Variants in ZNF653 observed in about 807,000 individuals in gnomAD.
The protein encoded by ZNF653 is 67 kDa zinc finger protein.
ZNF653 carries 37 observed loss-of-function variants against 59.9 expected under a neutral mutation model. That is an observed-to-expected ratio of 0.62 (90% CI 0.48 to 0.81). ZNF653 has a LOEUF of 0.81. Ranked by LOEUF, ZNF653 falls within the 40% of genes least tolerant of loss-of-function variation. ZNF653 has a pLI of 0.00. For missense variants in ZNF653, 808 were observed against 881.1 expected (o/e 0.92, Z 1.05); for synonymous variants, 435 against 371.8 (o/e 1.17, Z -1.96).
chr19:11,497,887 C>T (rs1039058973), intron 2 of ZNF653, among the ~76,000 whole-genome samples: 5 of 152,192 alleles, frequency 3.3e-5, no homozygotes, highest in African/African-American at 1.2e-4. Flanking sequence ...CACCAGCTGG[C>T]CTTCACCCTG....
chr19:11,499,611 TAAAAA>T (rs764982889), intron 1 of ZNF653, among the ~76,000 whole-genome samples: 1 of 113,036 alleles, frequency 8.8e-6, no homozygotes. Context: ...TTTATACAAT[TAAAAA>T]AAAAAAAAAA....
Position 11,497,901 on chromosome 19 carries a change from G to A in ZNF653, c.343+395C>T, listed in dbSNP as rs1424754498. On this transcript the variant is annotated intron_variant, in intron 2 of 8. Transcript: ENST00000293771. ...CCACCAGCTGGCCTTCACCCTGCTG[G>A]ACATGGCCTGGGACCCCCAGCTCCA... 2.6e-5 allele frequency among the ~76,000 whole-genome samples: 4 copies of A among 152,174 alleles called. No homozygotes were observed. In the East Asian group the frequency reaches 7.7e-4, roughly 29 times the overall value.
In ZNF653 at chr19:11,505,643, C is replaced by A. The variant is rs1971711973; in HGVS notation, c.144G>T (p.Arg48=). 2 of 1,498,662 alleles carry A rather than the reference C, an allele frequency of 1.3e-6. No individual in the cohort carries two copies. The highest frequency in any genetic ancestry group is 2.5e-5 in the South Asian group (2 of 79,838). The allele number at this position is 1,498,662 out of a possible 1,614,324, so 92.8% of individuals were successfully genotyped here. A position where few individuals can be genotyped will look rare whatever the true frequency, so the allele number is the denominator to read the frequency against. Residue 48 remains arginine, a synonymous_variant, in exon 1 of 9, where the codon CGG becomes CGT. Transcript: ENST00000293771. Reference sequence around the variant, plus strand: ...CGTCGTACTTCTTCCGGGACTCGAGCCGTCGCCGGGCCCGGTCCGACTCCG... The same window carrying A: ...CGTCGTACTTCTTCCGGGACTCGAGACGTCGCCGGGCCCGGTCCGACTCCG... ...RLTESDRARR[R]LESRKKYDVR...
Position 11,483,640 on chromosome 19 carries a change from C to T in ZNF653, c.*42G>A, listed in dbSNP as rs1971431088. The T allele has an allele frequency of 5.0e-6, 8 of 1,593,378 alleles. No individual in the cohort carries two copies. Among genetic ancestry groups the T allele is most frequent in the Middle Eastern group, 1.7e-4 (1 of 6,008 alleles). ...GCCCCGGCAAGCCCGGGCGTGGTGT[C>T]CGAGCGGACGAATAAATAGGGGCGG... On this transcript the variant is annotated 3_prime_UTR_variant, in exon 9 of 9. Transcript: ENST00000293771.
In ZNF653 at chr19:11,486,822, G is replaced by A. The variant is rs1400062159; in HGVS notation, c.1402C>T (p.His468Tyr). The A allele has an allele frequency of 1.2e-6, 2 of 1,612,250 alleles. No individual in the cohort carries two copies. Among genetic ancestry groups the A allele is most frequent in the South Asian group, 1.1e-5 (1 of 90,764 alleles). ...TGGCTGCAGCCCTCGTATGGGCAGTGGAACATCTCGAGCAGGCCGTCAGCA... is the reference window on the plus strand; with the variant it reads ...TGGCTGCAGCCCTCGTATGGGCAGTAGAACATCTCGAGCAGGCCGTCAGCA... ...MDADGLLEMF[H>Y]CPYEGCSQVY... Residue 468 changes from histidine to tyrosine, a missense_variant, in exon 6 of 9, where the codon CAC becomes TAC. Physicochemically the swap from His to Tyr is moderately conservative, Grantham distance 83 (BLOSUM62 2). Transcript: ENST00000293771.
chr19:11,505,230 G>C (rs899530417), intron 1 of ZNF653: 174 of 424,474 alleles, frequency 4.1e-4, no homozygotes, highest in Middle Eastern at 6.0e-4. Context: ...CAGAGTTCTA[G>C]CGGGCGGGGC....
intron 1 of ZNF653, among the ~76,000 whole-genome samples, chr19:11,499,912 C>T (rs1263856374): frequency 6.6e-6 from 1 of 152,094 alleles, no homozygotes; most frequent in Non-Finnish European, 1.5e-5. Flanking sequence ...AACCGTGTCT[C>T]AAAAACAAAG....
At chr19:11,486,952 C>A (rs774099953) in intron 5 of ZNF653, 35 bp downstream of exon 5, 1 of 1,611,576 alleles carries the variant, frequency 6.2e-7, no homozygotes, top group Admixed American at 1.7e-5. Context: ...CCGCTTCTAG[C>A]CCTCGCCCTC....
chr19:11,503,725 G>C (rs890875216), intron 1 of ZNF653, among the ~76,000 whole-genome samples: 2 of 152,116 alleles, frequency 1.3e-5, no homozygotes, highest in African/African-American at 4.8e-5. Context: ...AGGATCCCTT[G>C]AGCCTGGGAG....
At chr19:11,484,762 A>G (rs1410897001) in intron 7 of ZNF653, among the ~76,000 whole-genome samples, 2 of 152,014 alleles carry the variant, frequency 1.3e-5, no homozygotes, top group African/African-American at 4.8e-5. Context: ...AAAAACAAAA[A>G]AAACTTCTGC....
chr19:11,484,641 C>A (rs1369163678), intron 7 of ZNF653, among the ~76,000 whole-genome samples: 1 of 151,974 alleles, frequency 6.6e-6, no homozygotes, highest in African/African-American at 2.4e-5. Flanking sequence ...GAACTCCTGA[C>A]CTCAGGTGAT....
chr19:11,490,054 C>T (rs1364357049), intron 3 of ZNF653, among the ~76,000 whole-genome samples: 2 of 152,220 alleles, frequency 1.3e-5, no homozygotes, highest in Admixed American at 6.5e-5. Flanking sequence ...CCCACAAGAC[C>T]GCCGGACTTC....
chr19:11,487,896 A>G lies in ZNF653; in HGVS notation c.567T>C (p.Asn189=), dbSNP rs1971487611. 5.0e-6 allele frequency: 8 copies of G among 1,589,228 alleles called. No individual in the cohort carries two copies. The highest frequency in any genetic ancestry group is 6.0e-6 in the Non-Finnish European group (7 of 1,165,226). Residue 189 remains asparagine (N), a synonymous_variant, in exon 4 of 9, where the codon AAT becomes AAC. Coordinates refer to ENST00000293771, the MANE Select transcript of ZNF653 (RefSeq NM_138783.4). This position sits in a 1 kb window ranked among gnomAD's most constrained non-coding sequence, Gnocchi z 5.1. The stretch of plus-strand genomic sequence containing the variant: ...AGTCAGAGCTGCCAGCCACCAGCCC[A>G]TTGCCCACTGTGGGGACAGAAGAAA... The part of the protein sequence containing the change: ...DSDPDSDKVG[N]GLVAGSSDSS...
chr19:11,497,068 TC>T (rs922338826), intron 2 of ZNF653, among the ~76,000 whole-genome samples: 1 of 152,110 alleles, frequency 6.6e-6, no homozygotes, highest in Admixed American at 6.6e-5. Context: ...TCTTGCTCCC[TC>T]CCCACTTCAC....
rs1422175641 is a variant in ZNF653, at chr19:11,485,787, C to T, written c.1456-17G>A. 8.1e-6 allele frequency: 13 copies of T among 1,600,670 alleles called. No homozygotes were observed. The highest frequency in any genetic ancestry group is 1.1e-5 in the Non-Finnish European group (13 of 1,168,206). On this transcript the variant is annotated splice_polypyrimidine_tract_variant and intron_variant, in intron 6 of 8. Coordinates refer to ENST00000293771, the MANE Select transcript of ZNF653 (RefSeq NM_138783.4). ...GACGTGGTTCTGGAGACGAGACAGG[C>T]AGAAGTGGGTCCCATAGGCCCACAG...
intron 3 of ZNF653, among the ~76,000 whole-genome samples, chr19:11,490,233 G>A (rs1971516298): frequency 6.6e-6 from 1 of 152,346 alleles, no homozygotes; most frequent in Middle Eastern, 3.4e-3. Flanking sequence ...ATTCAACTCA[G>A]CGACAGCCAA....
At position 11,487,393 on chromosome 19, in the gene ZNF653, G is replaced by A. The variant is rs1468348233; in HGVS notation, c.1070C>T (p.Ala357Val). The change falls in exon 4 of 9, where the codon GCC becomes GTC. Residue 357 changes from alanine to valine, a missense_variant. Coordinates refer to ENST00000293771, the MANE Select transcript of ZNF653 (RefSeq NM_138783.4). This position sits in a 1 kb window ranked among gnomAD's most constrained non-coding sequence, Gnocchi z 5.1. ...GSGLGEEVPC[A>V]MMEGVAAYTQ... ...GTAGGCTGCCACACCCTCCATCATG[G>A]CACAGGGCACCTCCTCGCCCAGTCC... 1.9e-6 allele frequency: 3 copies of A among 1,612,384 alleles called. No homozygotes were observed. Among genetic ancestry groups the A allele is most frequent in the Admixed American group, 1.7e-5 (1 of 60,018 alleles).
chr19:11,504,573 T>A, intron 1 of ZNF653: 1 of 985,110 alleles, frequency 1.0e-6, no homozygotes, highest in Non-Finnish European at 1.2e-6. Context: ...GGGAAAGGGG[T>A]GGGTATAACT....
chr19:11,496,247 T>C, intron 2 of ZNF653, 82 bp from the exon 3 acceptor site: 1 of 1,411,352 alleles, frequency 7.1e-7, no homozygotes, highest in Non-Finnish European at 9.7e-7. Flanking sequence ...ACCGGGGCTT[T>C]ATGGGTCCCA....
Sources: allele counts gnomAD v4.1 joint callset (sites outside exome capture counted in the v4.1 genomes callset), GRCh38; gene constraint gnomAD v4.1.1; non-coding constraint Gnocchi (gnomAD v3.1); transcripts MANE v1.5; gene names NCBI Gene and HGNC (gene_info 2026-07-23, HGNC 2026-07-21).